TVP23A: variants seen among roughly 807,000 people sequenced by gnomAD.
TVP23A encodes Golgi apparatus membrane protein TVP23 homolog A.
In TVP23A, 21 loss-of-function variants were observed where a neutral mutation model predicts 31.7. The observed-to-expected ratio is 0.66, with a 90% CI of 0.47 to 0.95. TVP23A has a LOEUF of 0.95. TVP23A is among the 40% of genes least tolerant of loss of function. The pLI is 0.00. For missense variants in TVP23A, 279 were observed against 255.6 expected (o/e 1.09, Z -0.62); for synonymous variants, 104 against 96.0 (o/e 1.08, Z -0.49).
rs1010119679 is a variant in TVP23A, at chr16:10,796,685, G to A, written c.89+21418C>T. Among the ~76,000 whole-genome samples, 11 of 152,134 alleles carry A rather than the reference G, an allele frequency of 7.2e-5. No homozygotes were observed. The East Asian group carries it at 1.2e-3, about 16-fold the overall frequency. ...GATCTCCTGACCTTGTGATCAGCCC[G>A]CCTCAGACTCCCAAAGTGCTGGGAT... On this transcript the variant is annotated intron_variant, in intron 2 of 7. Coordinates refer to ENST00000299866, the MANE Select transcript of TVP23A (RefSeq NM_001079512.4).
intron 4 of TVP23A, 114 bp from the exon 5 acceptor site, chr16:10,773,555 T>C (rs2031782049): frequency 7.8e-7 from 1 of 1,290,000 alleles, no homozygotes; most frequent in African/African-American, 1.5e-5. Context: ...TGGGATTTTT[T>C]GTTGTTGGTG....
At chr16:10,762,668 C>T (rs2030142806), downstream of TVP23A, among the ~76,000 whole-genome samples, 1 of 152,088 alleles carries the variant, frequency 6.6e-6, no homozygotes, top group African/African-American at 2.4e-5. Context: ...GGCCGGGATC[C>T]AGGAGTGCCG....
intron 2 of TVP23A, among the ~76,000 whole-genome samples, chr16:10,795,224 T>C (rs2033320445): frequency 6.6e-6 from 1 of 151,276 alleles, no homozygotes; most frequent in South Asian, 2.1e-4. Flanking sequence ...AATAACAATA[T>C]GTCTGCATCC....
rs1045981247 is a variant in TVP23A, at chr16:10,810,557, A to AAAAAG, written c.89+7541_89+7545dup. The stretch of plus-strand genomic sequence containing the variant: ...GCAAGACCCTGTCTCAAAAAAAAAA[A>AAAAAG]AAAAGAAAAGAAAAGAAAAGAAAAA... On this transcript the variant is annotated intron_variant, in intron 2 of 7. Transcript: ENST00000299866. Among the ~76,000 whole-genome samples the AAAAAG allele has an allele frequency of 4.8e-5, 7 of 145,130 alleles. No homozygotes were observed. In the East Asian group the frequency reaches 5.8e-4, roughly 12 times the overall value.
chr16:10,778,883 T>C (rs2050457344), intron 2 of TVP23A, among the ~76,000 whole-genome samples: 3 of 152,268 alleles, frequency 2.0e-5, no homozygotes, highest in Admixed American at 2.0e-4. Flanking sequence ...GGAGAATTGC[T>C]TGAACCTGGG....
Position 10,810,841 on chromosome 16 carries a change from C to G in TVP23A, c.89+7262G>C, listed in dbSNP as rs190765912. 1.1e-4 allele frequency among the ~76,000 whole-genome samples: 17 copies of G among 152,222 alleles called. No individual in the cohort carries two copies. In the East Asian group the frequency reaches 3.1e-3, roughly 28 times the overall value. On this transcript the variant is annotated intron_variant, in intron 2 of 7. Transcript: ENST00000299866. ...CTCCCCTGGTTCCCAGGCCTTCGGG[C>G]TAGGATGGGTTTTATGCCACCGGCG...
At chr16:10,785,403 CA>C (rs202222383) in intron 2 of TVP23A, among the ~76,000 whole-genome samples, 3,148 of 139,176 alleles carry the variant, frequency 0.023, 66 homozygotes, top group African/African-American at 0.059. Context: ...GACTCCATCT[CA>C]AAAAAAAAAA....
intron 2 of TVP23A, among the ~76,000 whole-genome samples, chr16:10,780,338 T>G (rs1243140687): frequency 1.3e-5 from 2 of 152,096 alleles, no homozygotes; most frequent in Non-Finnish European, 2.9e-5. Context: ...GGGAGTTTCT[T>G]TGGACCTCCC....
At chr16:10,762,554 C>T (rs760765061), downstream of TVP23A, among the ~76,000 whole-genome samples, 12 of 152,190 alleles carry the variant, frequency 7.9e-5, no homozygotes, top group South Asian at 4.1e-4. Context: ...ACCGCGGAGC[C>T]GGGCGGGCCT....
chr16:10,797,296 G>A (rs1024843171), intron 2 of TVP23A, among the ~76,000 whole-genome samples: 2 of 152,008 alleles, frequency 1.3e-5, no homozygotes, highest in Non-Finnish European at 2.9e-5. Flanking sequence ...ACTTTGGGAG[G>A]CCGAGACGGG....
chr16:10,798,210 T>G (rs575407632), intron 2 of TVP23A, among the ~76,000 whole-genome samples: 3 of 152,040 alleles, frequency 2.0e-5, no homozygotes, highest in Non-Finnish European at 4.4e-5. Context: ...CTGCCCGCCT[T>G]GGCCTCCCAT....
chr16:10,761,786 CG>C, downstream of TVP23A: 1 of 1,613,990 alleles, frequency 6.2e-7, no homozygotes, highest in Non-Finnish European at 8.5e-7. Flanking sequence ...CTCCCACAAC[CG>C]GGGGCGCGGA....
intron 2 of TVP23A, among the ~76,000 whole-genome samples, chr16:10,808,374 TG>T (rs145105819): frequency 0.011 from 1,601 of 152,052 alleles, 32 homozygotes; most frequent in African/African-American, 0.032. Flanking sequence ...TTTTCAGGGG[TG>T]ATTTTTACTT....
At chr16:10,759,810 C>G (rs1010443635), downstream of TVP23A, among the ~76,000 whole-genome samples, 4 of 152,192 alleles carry the variant, frequency 2.6e-5, no homozygotes, top group African/African-American at 7.2e-5. The surrounding 1 kb of genome is among the most constrained non-coding windows in gnomAD (Gnocchi z 4.7). Context: ...GACTGAGTCG[C>G]AGCCCATTGA....
chr16:10,810,542 G>C (rs2034148038), intron 2 of TVP23A, among the ~76,000 whole-genome samples: 1 of 135,714 alleles, frequency 7.4e-6, no homozygotes, highest in African/African-American at 3.2e-5. Flanking sequence ...GCAAGACCCT[G>C]TCTCAAAAAA....
At chr16:10,797,435 C>T (rs2033449964) in intron 2 of TVP23A, among the ~76,000 whole-genome samples, 1 of 151,302 alleles carries the variant, frequency 6.6e-6, no homozygotes, top group Non-Finnish European at 1.5e-5. Context: ...GCCTGTAATC[C>T]CAGCTACTCG....
Position 10,771,197 on chromosome 16 carries a change from A to G in TVP23A, c.582+473T>C, listed in dbSNP as rs573227531. Among the ~76,000 whole-genome samples, 166 of 152,336 alleles carry G rather than the reference A, an allele frequency of 1.1e-3. 2 individuals carry two copies. Among genetic ancestry groups the G allele is most frequent in the East Asian group, 1.2e-3 (6 of 5,188 alleles). On this transcript the variant is annotated intron_variant, in intron 6 of 7. Coordinates refer to ENST00000299866, the MANE Select transcript of TVP23A (RefSeq NM_001079512.4). ...TATACTTAATGCCACAGAACTATAC[A>G]TTTTAAAATGGTTACAATGGTACAT...
intron 2 of TVP23A, among the ~76,000 whole-genome samples, chr16:10,805,623 G>A (rs1023625797): frequency 1.3e-5 from 2 of 150,820 alleles, no homozygotes; most frequent in Admixed American, 1.3e-4. Flanking sequence ...TCCACGTGAA[G>A]AGGACTCCTC....
intron 2 of TVP23A, among the ~76,000 whole-genome samples, chr16:10,781,782 A>G (rs1449146283): frequency 6.6e-6 from 1 of 151,412 alleles, no homozygotes. Flanking sequence ...AAGAAAAGGC[A>G]GATAAGCTAT....
Sources: gnomAD v4.1 joint callset for allele counts (sites outside exome capture counted in the v4.1 genomes callset) on GRCh38, gnomAD v4.1.1 for gene constraint, Gnocchi (gnomAD v3.1) non-coding constraint, MANE v1.5 for transcripts, NCBI Gene and HGNC (gene_info 2026-07-23, HGNC 2026-07-21) for gene names.